The following GXYLT2 variants were observed in gnomAD, a reference collection of about 807,000 sequenced individuals.
GXYLT2 encodes glycosyltransferase 8 domain containing 4.
GXYLT2 carries 53 observed loss-of-function variants against 45.8 expected under a neutral mutation model. The observed-to-expected ratio is 1.16, with a 90% CI of 0.93 to 1.46. The LOEUF (loss-of-function observed/expected upper bound fraction) is 1.46. Ranked by LOEUF, GXYLT2 falls within the 40% of genes most tolerant of loss-of-function variation. The pLI, the probability that GXYLT2 is intolerant of heterozygous loss-of-function variation, is 0.00. For synonymous variants in GXYLT2, 219 were observed against 214.2 expected (o/e 1.02, Z -0.19); for missense variants, 551 against 544.4 (o/e 1.01, Z -0.12).
At chr3:72,904,185 A>G (rs1021176991) in intron 1 of GXYLT2, among the ~76,000 whole-genome samples, 1 of 152,234 alleles carries the variant, frequency 6.6e-6, no homozygotes, top group African/African-American at 2.4e-5. Flanking sequence ...AGAATTCCCT[A>G]TCACCCATTC....
chr3:72,889,907 G>GTTTTTTTTTTTTTTTTTTTTT (rs5850087), intron 1 of GXYLT2, among the ~76,000 whole-genome samples: 1 of 118,786 alleles, frequency 8.4e-6, no homozygotes, highest in African/African-American at 3.3e-5. Context: ...TTTTTTTTTT[G>GTTTTTTTTTTTTTTTTTTTTT]TTTTTTTTTT....
chr3:72,970,386 G>A (rs978356735), intron 6 of GXYLT2, among the ~76,000 whole-genome samples: 4 of 151,254 alleles, frequency 2.6e-5, no homozygotes, highest in East Asian at 1.9e-4. Context: ...AAATAGGCCC[G>A]GTACAGAAGC....
intron 1 of GXYLT2, among the ~76,000 whole-genome samples, chr3:72,900,818 AT>A (rs575866441): frequency 0.033 from 4,585 of 140,438 alleles, 92 homozygotes; most frequent in Non-Finnish European, 0.05. Context: ...GTATTTATTT[AT>A]TTAATAACTT....
At chr3:72,929,553 C>A in intron 3 of GXYLT2, 1 of 1,155,368 alleles carries the variant, frequency 8.7e-7, no homozygotes, top group Non-Finnish European at 1.3e-6. Context: ...GGCAGAATAT[C>A]TCTTTGACAA....
chr3:72,971,522 G>A (rs1195947021), intron 6 of GXYLT2, among the ~76,000 whole-genome samples: 1 of 152,108 alleles, frequency 6.6e-6, no homozygotes, highest in Non-Finnish European at 1.5e-5. Flanking sequence ...TTACCTTGCT[G>A]GGCCTCAGTT....
chr3:72,967,821 A>G lies in GXYLT2; in HGVS notation c.1149+102A>G, dbSNP rs920308285. The G allele has an allele frequency of 2.6e-5, 25 of 965,716 alleles. No individual in the cohort carries two copies. The East Asian group carries it at 6.3e-4, about 24-fold the overall frequency. The allele number at this position is 965,716 out of a possible 1,614,324, so 59.8% of individuals were successfully genotyped here. On this transcript the variant is annotated intron_variant, in intron 6 of 6. Transcript: ENST00000389617. ...TTTGAAGGCCAAATATTCCCAAAGC[A>G]TAGAGTTATACCAGTTATTCCCGAC...
chr3:72,945,278 A>C (rs1256257622), intron 3 of GXYLT2, among the ~76,000 whole-genome samples: 1 of 143,506 alleles, frequency 7.0e-6, no homozygotes, highest in Non-Finnish European at 1.5e-5. Context: ...ACTGAGCAAG[A>C]CTCCATCTCA....
intron 5 of GXYLT2, among the ~76,000 whole-genome samples, chr3:72,958,272 CAA>C (rs59128233): frequency 1.1e-3 from 146 of 127,364 alleles, no homozygotes; most frequent in East Asian, 1.4e-3. Flanking sequence ...GACTCTGTCT[CAA>C]AAAAAAAAAA....
At chr3:72,942,072 A>G (rs940518846) in intron 3 of GXYLT2, among the ~76,000 whole-genome samples, 2 of 152,110 alleles carry the variant, frequency 1.3e-5, no homozygotes, top group African/African-American at 4.8e-5. Flanking sequence ...GTGCTAAAAA[A>G]TATTTTTTAA....
chr3:72,953,381 C>T (rs145813251), intron 3 of GXYLT2, among the ~76,000 whole-genome samples: 3,372 of 152,016 alleles, frequency 0.022, 132 homozygotes, highest in African/African-American at 0.077. Flanking sequence ...CCTCTGCCTC[C>T]CAGGTTCAAG....
At chr3:72,927,928 A>T (rs1483341670) in intron 3 of GXYLT2, among the ~76,000 whole-genome samples, 1 of 152,376 alleles carries the variant, frequency 6.6e-6, no homozygotes, top group Admixed American at 6.5e-5. Context: ...CTAGCAAAGA[A>T]GGAAATTAAT....
chr3:72,925,220 A>G (rs1032215185), intron 3 of GXYLT2, among the ~76,000 whole-genome samples: 2 of 150,106 alleles, frequency 1.3e-5, no homozygotes, highest in Non-Finnish European at 2.9e-5. Flanking sequence ...GCAGTGGCAC[A>G]ATCTCAGCTC....
chr3:72,916,663 C>G (rs1041010771), intron 2 of GXYLT2, among the ~76,000 whole-genome samples: 1 of 152,000 alleles, frequency 6.6e-6, no homozygotes. Flanking sequence ...CCTCAGCCCC[C>G]CTAGTAGCTG....
At chr3:72,963,471 C>T (rs1367055985) in intron 5 of GXYLT2, among the ~76,000 whole-genome samples, 3 of 149,662 alleles carry the variant, frequency 2.0e-5, no homozygotes, top group Admixed American at 2.0e-4. Context: ...TTTGGGAGGC[C>T]GAGGCAGGCA....
Position 72,931,236 on chromosome 3 carries a change from A to ATT in GXYLT2, c.600+8910_600+8911dup, listed in dbSNP as rs200320280. ...TCTTTATTTTTTTATTTTATTTTCT[A>ATT]TTTTTTTTTTGAGACGGAGTCTTGC... On this transcript the variant is annotated intron_variant, in intron 3 of 6. Transcript: ENST00000389617. Among the ~76,000 whole-genome samples, 19 of 149,378 alleles carry ATT rather than the reference A, an allele frequency of 1.3e-4. 1 individual carries two copies. The East Asian group carries it at 1.4e-3, about 11-fold the overall frequency.
At position 72,955,193 on chromosome 3, in the gene GXYLT2, T is replaced by A. The variant is rs1280072647; in HGVS notation, c.696T>A (p.Phe232Leu). Residue 232 changes from phenylalanine (F) to leucine (L), a missense_variant, in exon 4 of 7, where the codon TTT becomes TTA. By Grantham distance (22) the Phe-to-Leu change is conservative. Coordinates refer to ENST00000389617, the MANE Select transcript of GXYLT2 (RefSeq NM_001080393.2). ...VDDIWKLLRL[F>L]NSTQLAAMAP... ...ACATCTGGAAGCTTCTGAGGCTGTTTAATTCCACCCAGCTTGCAGCCATGG... is the reference window on the plus strand; with the variant it reads ...ACATCTGGAAGCTTCTGAGGCTGTTAAATTCCACCCAGCTTGCAGCCATGG... The A allele has an allele frequency of 1.2e-6, 2 of 1,613,932 alleles. No individual in the cohort carries two copies. Among genetic ancestry groups the A allele is most frequent in the Non-Finnish European group, 1.7e-6 (2 of 1,179,904 alleles).
intron 5 of GXYLT2, 60 bp from the exon 6 acceptor site, chr3:72,967,487 C>T: frequency 1.5e-6 from 2 of 1,296,342 alleles, no homozygotes; most frequent in Non-Finnish European, 2.2e-6. Context: ...AATCGTGCCA[C>T]ATGTGCATGA....
intron 2 of GXYLT2, among the ~76,000 whole-genome samples, chr3:72,917,829 A>T (rs796636818): frequency 8.5e-5 from 13 of 152,272 alleles, no homozygotes; most frequent in African/African-American, 2.9e-4. Flanking sequence ...TAAATTCATA[A>T]ATAATAAATG....
intron 1 of GXYLT2, among the ~76,000 whole-genome samples, chr3:72,898,412 A>G (rs1375711689): frequency 1.3e-5 from 2 of 152,210 alleles, no homozygotes; most frequent in African/African-American, 4.8e-5. Context: ...TAAAATCTCA[A>G]TAACATGTTA....
Sources: gnomAD v4.1 joint callset for allele counts (sites outside exome capture counted in the v4.1 genomes callset) on GRCh38, gnomAD v4.1.1 for gene constraint, MANE v1.5 for transcripts, NCBI Gene and HGNC (gene_info 2026-07-23, HGNC 2026-07-21) for gene names.